ZNF605: variants seen among roughly 807,000 people sequenced by gnomAD.
ZNF605 encodes the protein zinc finger protein 605.
A neutral mutation model predicts 7.9 loss-of-function variants in ZNF605; 9 were observed. The observed-to-expected ratio is 1.14, with a 90% CI of 0.68 to 1.98. The LOEUF is 1.98. Among genes scored for constraint, ZNF605 ranks in the 30% most tolerant of loss-of-function variants. The probability of loss-of-function intolerance (pLI) is 0.00; values close to 1 mark genes in which losing one functional copy is unlikely to be tolerated. For synonymous variants in ZNF605, 255 were observed against 260.1 expected (o/e 0.98, Z 0.19); for missense variants, 673 against 762.4 (o/e 0.88, Z 1.38).
intron 4 of ZNF605, chr12:132,932,759 T>C: frequency 6.5e-7 from 1 of 1,536,728 alleles, no homozygotes; most frequent in Non-Finnish European, 8.7e-7. Context: ...TCCATGGATC[T>C]TGTTGTTCCA....
rs1952242546 is a variant in ZNF605, at chr12:132,925,959, T to TTA, written c.1339_1340insTA (p.Lys447IlefsTer19). On this transcript the variant is annotated frameshift_variant, in exon 5 of 5. Transcript: ENST00000360187. LOFTEE classifies it low-confidence loss of function (END_TRUNC). ...CCCACACTCACTGCATTCATAAGGC[T>TTA]TCTCCCCAGTGTGTGTTCTGTGATG... The TTA allele has an allele frequency of 6.2e-7, 1 of 1,614,096 alleles. No individual in the cohort carries two copies. Among genetic ancestry groups the TTA allele is most frequent in the African/African-American group, 1.3e-5 (1 of 74,934 alleles).
chr12:132,926,628 G>A lies in ZNF605; in HGVS notation c.671C>T (p.Pro224Leu), dbSNP rs964802610. The A allele has an allele frequency of 6.2e-6, 10 of 1,613,966 alleles. No individual in the cohort carries two copies. Among genetic ancestry groups the A allele is most frequent in the East Asian group, 2.2e-5 (1 of 44,868 alleles). Residue 224 changes from proline to leucine, a missense_variant, in exon 5 of 5, where the codon CCG becomes CTG. Coordinates refer to ENST00000360187, the MANE Select transcript of ZNF605 (RefSeq NM_183238.4). Reference sequence around the variant, plus strand: ...TTTCTGACATTCGCTGCACCCATGCGGTTTTTCTCCTGAGTGAGTTCTTTG... The same window carrying A: ...TTTCTGACATTCGCTGCACCCATGCAGTTTTTCTCCTGAGTGAGTTCTTTG... ...VHQRTHSGEK[P>L]HGCSECQKAF... is the part of the protein sequence containing the mutation.
At chr12:132,940,793 G>A (rs1179146158) in intron 3 of ZNF605, among the ~76,000 whole-genome samples, 2 of 152,116 alleles carry the variant, frequency 1.3e-5, no homozygotes, top group Non-Finnish European at 2.9e-5. Context: ...GTGCAGGTTT[G>A]TTTTGTGGGT....
Position 132,922,402 on chromosome 12 carries a change from A to T in ZNF605, c.*2971T>A, listed in dbSNP as rs1952213322. ...ATGGTAACAATCTCCAGAGCCACTGACATATGCAGCAGAAAAGCACAAAGA... is the reference window on the plus strand; with the variant it reads ...ATGGTAACAATCTCCAGAGCCACTGTCATATGCAGCAGAAAAGCACAAAGA... On this transcript the variant is annotated 3_prime_UTR_variant, in exon 5 of 5. Coordinates refer to ENST00000360187, the MANE Select transcript of ZNF605 (RefSeq NM_183238.4). The T allele has an allele frequency of 6.6e-6, 1 of 152,220 alleles. No individual in the cohort carries two copies. Among genetic ancestry groups the T allele is most frequent in the African/African-American group, 2.4e-5 (1 of 41,464 alleles). The allele number at this position is 152,220 out of a possible 1,614,324, so 9.4% of individuals were successfully genotyped here.
At chr12:132,945,514 C>T (rs878985130) in intron 3 of ZNF605, 107 bp downstream of exon 3, 27 of 493,178 alleles carry the variant, frequency 5.5e-5, no homozygotes, top group East Asian at 1.5e-4. Context: ...GAGGATAAAC[C>T]GATAACCCAC....
intron 3 of ZNF605, among the ~76,000 whole-genome samples, chr12:132,942,750 T>C (rs1245867174): frequency 2.0e-5 from 3 of 152,220 alleles, no homozygotes; most frequent in African/African-American, 7.2e-5. Context: ...AGTGTTCTGC[T>C]GTGCCTGAAT....
intron 3 of ZNF605, among the ~76,000 whole-genome samples, chr12:132,937,888 A>G (rs1741729271): frequency 1.3e-5 from 2 of 152,276 alleles, no homozygotes. Context: ...AGAAAAAGGA[A>G]GAAACTACCG....
intron 3 of ZNF605, among the ~76,000 whole-genome samples, chr12:132,937,379 A>AAT (rs1952378932): frequency 1.3e-5 from 2 of 149,842 alleles, no homozygotes; most frequent in Non-Finnish European, 3.0e-5. Context: ...AAAAAAAAAA[A>AAT]AGAAAATGTA....
chr12:132,953,142 A>G (rs1952590049), intron 1 of ZNF605, among the ~76,000 whole-genome samples: 1 of 151,894 alleles, frequency 6.6e-6, no homozygotes. Context: ...TCCAGACCAC[A>G]CAACCACCGA....
At chr12:132,949,103 G>A (rs1278377345) in intron 1 of ZNF605, among the ~76,000 whole-genome samples, 1 of 45,440 alleles carries the variant, frequency 2.2e-5, no homozygotes, top group East Asian at 3.3e-4. Flanking sequence ...AGAGGCCTCT[G>A]AGGAGGAAAG....
At chr12:132,954,631 G>A (rs992998240) in intron 1 of ZNF605, among the ~76,000 whole-genome samples, 8 of 151,164 alleles carry the variant, frequency 5.3e-5, no homozygotes, top group Non-Finnish European at 8.9e-5. Context: ...AATGCCCAGG[G>A]ATCCCTAATC....
Position 132,944,396 on chromosome 12 carries a change from AG to A in ZNF605, c.15+1224del, listed in dbSNP as rs775899336. On this transcript the variant is annotated intron_variant, in intron 3 of 4. Coordinates refer to ENST00000360187, the MANE Select transcript of ZNF605 (RefSeq NM_183238.4). ...GTGGTAAGAATTCCTCCGAAAGGTG[AG>A]GGGACACCACAGTCTGTTTCTTGAG... Among the ~76,000 whole-genome samples the A allele has an allele frequency of 4.1e-4, 63 of 152,284 alleles. No homozygotes were observed. The East Asian group carries it at 4.2e-3, about 10-fold the overall frequency.
intron 1 of ZNF605, among the ~76,000 whole-genome samples, chr12:132,953,256 G>A (rs752421637): frequency 0.017 from 2,648 of 152,184 alleles, 30 homozygotes; most frequent in Non-Finnish European, 0.026. Context: ...CCAAGAGGCC[G>A]CCCCTCCAGG....
intron 3 of ZNF605, among the ~76,000 whole-genome samples, chr12:132,943,819 C>T (rs1325470926): frequency 2.0e-5 from 3 of 152,042 alleles, no homozygotes; most frequent in East Asian, 1.9e-4. Flanking sequence ...AGAACCAAAG[C>T]GACTCCATCT....
chr12:132,935,631 G>A (rs1163773541), intron 3 of ZNF605, among the ~76,000 whole-genome samples: 6 of 152,046 alleles, frequency 3.9e-5, no homozygotes, highest in South Asian at 4.1e-4. Flanking sequence ...GGTGGCTCAC[G>A]CCTGTAACCC....
chr12:132,933,105 TA>T lies in ZNF605; in HGVS notation c.65del (p.Leu22HisfsTer13). The T allele has an allele frequency of 6.2e-7, 1 of 1,612,186 alleles. No individual in the cohort carries two copies. Among genetic ancestry groups the T allele is most frequent in the Non-Finnish European group, 8.5e-7 (1 of 1,178,684 alleles). ...ACAAGTTCTTCTGAGTAGGATTAAG[TA>T]GCTGCCATTCCTCCAGCGTGAAATC... ...AVDFTLEEWQ[L>X]LNPTQKNLYR... On this transcript the variant is annotated frameshift_variant, in exon 4 of 5. Transcript: ENST00000360187. LOFTEE classifies it high-confidence loss of function. The surrounding 1 kb of genome is among the most constrained non-coding windows in gnomAD (Gnocchi z 4.4).
intron 3 of ZNF605, among the ~76,000 whole-genome samples, chr12:132,942,027 A>G (rs1216839172): frequency 6.6e-6 from 1 of 152,224 alleles, no homozygotes; most frequent in African/African-American, 2.4e-5. Context: ...AACAATTCTT[A>G]AACATGATTT....
Position 132,926,871 on chromosome 12 carries a change from C to A in ZNF605, c.428G>T (p.Cys143Phe), listed in dbSNP as rs1952253360. ...PGRTHGGIKY[C>F]DCSTCRKSSN... is the part of the protein sequence containing the mutation. ...GGATTTTCTACATGTACTGCAATCA[C>A]AGTATTTTATCCCACCATGGGTTCT... Residue 143 changes from cysteine (C) to phenylalanine (F), a missense_variant, in exon 5 of 5, where the codon TGT becomes TTT. By Grantham distance (205) the Cys-to-Phe change is radical. Transcript: ENST00000360187. 6.2e-7 allele frequency: 1 copy of A among 1,614,034 alleles called. No individual in the cohort carries two copies. The highest frequency in any genetic ancestry group is 1.1e-5 in the South Asian group (1 of 91,086).
At chr12:132,930,370 C>G (rs923876537) in intron 4 of ZNF605, among the ~76,000 whole-genome samples, 3 of 152,156 alleles carry the variant, frequency 2.0e-5, no homozygotes, top group African/African-American at 4.8e-5. Flanking sequence ...CCAACAAATA[C>G]CCTCTTTATT....
Sources: gnomAD v4.1 joint callset for allele counts (sites outside exome capture counted in the v4.1 genomes callset) on GRCh38, gnomAD v4.1.1 for gene constraint, Gnocchi (gnomAD v3.1) non-coding constraint, MANE v1.5 for transcripts, NCBI Gene and HGNC (gene_info 2026-07-23, HGNC 2026-07-21) for gene names.